COG6: variants seen among roughly 807,000 people sequenced by gnomAD.
The protein encoded by COG6 is component of oligomeric golgi complex 6.
A neutral mutation model predicts 88.8 loss-of-function variants in COG6; 74 were observed. That is an observed-to-expected ratio of 0.83 (90% CI 0.69 to 1.01). The LOEUF (loss-of-function observed/expected upper bound fraction) is 1.01. COG6 is among the 50% of genes least tolerant of loss of function. The pLI, the probability that COG6 is intolerant of heterozygous loss-of-function variation, is 0.00. For synonymous variants in COG6, 286 were observed against 278.7 expected (o/e 1.03, Z -0.26); for missense variants, 800 against 797.9 (o/e 1.00, Z -0.03).
In COG6 at chr13:39,771,366, G is replaced by A. The variant is rs1050510085; in HGVS notation, c.1827-16969G>A. Among the ~76,000 whole-genome samples, 6 of 152,224 alleles carry A rather than the reference G, an allele frequency of 3.9e-5. No individual in the cohort carries two copies. The South Asian group carries it at 6.2e-4, about 16-fold the overall frequency. On this transcript the variant is annotated intron_variant, in intron 18 of 18. Coordinates refer to the COG6 transcript ENST00000416691. The stretch of plus-strand genomic sequence containing the variant: ...CCACACTGGACAAGAATAGCCAGGT[G>A]TGTGTCCCAGAGACACCTGGAGGGA...
chr13:39,717,927 C>T (rs890740346), intron 13 of COG6, among the ~76,000 whole-genome samples: 5 of 152,064 alleles, frequency 3.3e-5, no homozygotes, highest in African/African-American at 1.2e-4. Flanking sequence ...TTTTTGACTC[C>T]AGAATTTCTC....
At chr13:39,747,778 T>C (rs1049597553) in intron 18 of COG6, among the ~76,000 whole-genome samples, 2 of 152,154 alleles carry the variant, frequency 1.3e-5, no homozygotes, top group Non-Finnish European at 2.9e-5. Context: ...TAGAAACAAA[T>C]GTGTCAAGTT....
At chr13:39,734,291 ATGT>A (rs962639881) in intron 18 of COG6, among the ~76,000 whole-genome samples, 4 of 151,700 alleles carry the variant, frequency 2.6e-5, no homozygotes, top group African/African-American at 9.7e-5. Flanking sequence ...TGGTTTTGGT[ATGT>A]TGTTTCCATT....
chr13:39,789,767 A>T (rs569787989), exon 19 of COG6: 1 of 152,302 alleles, frequency 6.6e-6, no homozygotes, highest in Non-Finnish European at 1.5e-5. Flanking sequence ...TTCGTCAGGG[A>T]TAAGAACACC....
At chr13:39,735,507 A>C (rs1460326692) in intron 18 of COG6, among the ~76,000 whole-genome samples, 1 of 152,022 alleles carries the variant, frequency 6.6e-6, no homozygotes, top group Non-Finnish European at 1.5e-5. Context: ...TCATCTTTTT[A>C]TTCTGTCTAC....
intron 4 of COG6, among the ~76,000 whole-genome samples, chr13:39,673,825 C>G (rs989185769): frequency 3.3e-5 from 5 of 151,674 alleles, no homozygotes; most frequent in Non-Finnish European, 7.4e-5. Flanking sequence ...TAATATTTTA[C>G]TTTTTTCCCT....
chr13:39,664,907 T>G lies in COG6; in HGVS notation c.370-189T>G, dbSNP rs4569133. Among the ~76,000 whole-genome samples, 100,428 of 152,006 alleles carry G rather than the reference T, an allele frequency of 0.66. 33,406 individuals are homozygous for G. The highest frequency in any genetic ancestry group is 0.77 in the Admixed American group (11,780 of 15,274). ...TGTAAGCCTTAGCATTATGTGTATA[T>G]TAAGAACTGAGTGTGTTCCTCCAGT... On this transcript the variant is annotated intron_variant, in intron 3 of 18. Coordinates refer to ENST00000455146, the MANE Select transcript of COG6 (RefSeq NM_020751.3).
chr13:39,760,455 C>T (rs1421264387), intron 18 of COG6, among the ~76,000 whole-genome samples: 1 of 151,830 alleles, frequency 6.6e-6, no homozygotes, highest in Non-Finnish European at 1.5e-5. Context: ...CATTAAAAAG[C>T]CAAAAAGGTG....
At chr13:39,761,190 CTG>C (rs756411205) in intron 18 of COG6, among the ~76,000 whole-genome samples, 20 of 151,962 alleles carry the variant, frequency 1.3e-4, no homozygotes, top group Non-Finnish European at 5.9e-5. Context: ...TTCAAAAACA[CTG>C]TAATTTTCTT....
chr13:39,660,135 C>G (rs1874803533), intron 2 of COG6, among the ~76,000 whole-genome samples: 1 of 151,930 alleles, frequency 6.6e-6, no homozygotes, highest in African/African-American at 2.4e-5. Flanking sequence ...GTTTTTGACA[C>G]CTTGGTAGGT....
At chr13:39,657,548 G>A (rs1042890823) in intron 1 of COG6, among the ~76,000 whole-genome samples, 2 of 151,224 alleles carry the variant, frequency 1.3e-5, no homozygotes, top group African/African-American at 4.9e-5. Flanking sequence ...TTTCTGTACA[G>A]TAAGTATTTA....
rs1035934719 is a variant in COG6 at position 39,751,993 on chromosome 13, A to G, written c.*900A>G. Reference sequence around the variant, plus strand: ...GATCTACTCAAACATTGGAGAAAAAAACTGCCAGAGGAGGAGTTGCCAATT... The same window carrying G: ...GATCTACTCAAACATTGGAGAAAAAGACTGCCAGAGGAGGAGTTGCCAATT... On this transcript the variant is annotated 3_prime_UTR_variant, in exon 19 of 19. Transcript: ENST00000455146. The G allele has an allele frequency of 2.4e-6, 3 of 1,245,944 alleles. No homozygotes were observed. Among genetic ancestry groups the G allele is most frequent in the African/African-American group, 3.1e-5 (2 of 64,960 alleles). 77.2% of individuals were successfully genotyped at this position (1,245,944 alleles called of 1,614,324 possible).
In COG6 at chr13:39,674,144, G is replaced by T. The variant is rs887080888; in HGVS notation, c.429-3324G>T. 5.3e-5 allele frequency among the ~76,000 whole-genome samples: 8 copies of T among 151,848 alleles called. No homozygotes were observed. The South Asian group carries it at 1.5e-3, about 28-fold the overall frequency. ...TGTTACATATGTATACACGTGCCAT[G>T]TTGGTGTGCTGCACCCATTAACTCG... On this transcript the variant is annotated intron_variant, in intron 4 of 18. Coordinates refer to ENST00000455146, the MANE Select transcript of COG6 (RefSeq NM_020751.3).
chr13:39,784,597 G>A (rs1224607714), intron 18 of COG6, among the ~76,000 whole-genome samples: 2 of 152,208 alleles, frequency 1.3e-5, no homozygotes. Context: ...GTAAAGGAGT[G>A]AATAATTCAT....
chr13:39,661,970 T>C (rs933461742), intron 3 of COG6, among the ~76,000 whole-genome samples: 2 of 151,866 alleles, frequency 1.3e-5, no homozygotes, highest in Admixed American at 1.3e-4. Flanking sequence ...TGATCTTTAG[T>C]GATAGTATCT....
intron 18 of COG6, among the ~76,000 whole-genome samples, chr13:39,733,400 C>T (rs9576891): frequency 0.42 from 63,044 of 151,328 alleles, 13,488 homozygotes; most frequent in Admixed American, 0.57. Context: ...CATGTTGGCC[C>T]GGCTGATCTC....
intron 13 of COG6, among the ~76,000 whole-genome samples, chr13:39,716,343 G>A (rs911084187): frequency 4.0e-5 from 6 of 151,880 alleles, no homozygotes; most frequent in South Asian, 2.1e-4. Flanking sequence ...TGTTTGCAAC[G>A]TATATCTTTT....
chr13:39,719,260 G>C lies in COG6; in HGVS notation c.1309G>C (p.Gly437Arg). ...GGTTGAACTCCCACCACCTGATCTT[G>C]GACCAAGTTCTGCACTAAATCAGAC... ...DKVELPPPDL[G>R]PSSALNQTLM... Residue 437 changes from glycine to arginine, a missense_variant, in exon 14 of 19, where the codon GGA becomes CGA. Transcript: ENST00000455146. 1 of 1,612,688 alleles carries C rather than the reference G, an allele frequency of 6.2e-7. No homozygotes were observed. The highest frequency in any genetic ancestry group is 8.5e-7 in the Non-Finnish European group (1 of 1,179,100).
At chr13:39,784,566 A>T (rs973876013) in intron 18 of COG6, among the ~76,000 whole-genome samples, 3 of 152,228 alleles carry the variant, frequency 2.0e-5, no homozygotes, top group African/African-American at 7.2e-5. Context: ...AACTGTAAAT[A>T]ACCAGAGCTT....
Sources: gnomAD v4.1 joint callset for allele counts (sites outside exome capture counted in the v4.1 genomes callset) on GRCh38, gnomAD v4.1.1 for gene constraint, MANE v1.5 for transcripts, NCBI Gene and HGNC (gene_info 2026-07-23, HGNC 2026-07-21) for gene names.